PCDHA11: variants seen among roughly 807,000 people sequenced by gnomAD.
PCDHA11 encodes protocadherin alpha 11.
PCDHA11 carries 61 observed loss-of-function variants against 70.3 expected under a neutral mutation model. The observed-to-expected ratio is 0.87, with a 90% CI of 0.71 to 1.07. The LOEUF (loss-of-function observed/expected upper bound fraction) is 1.07, where lower values mean the gene tolerates loss of function less well. Among genes scored for constraint, PCDHA11 ranks in the 50% least tolerant of loss-of-function variants. The pLI is 0.00. For missense variants in PCDHA11, 1,324 were observed against 1,237.5 expected (o/e 1.07, Z -1.05); for synonymous variants, 633 against 555.1 (o/e 1.14, Z -1.97).
At chr5:140,875,815 C>T (rs782785462) in intron 1 of PCDHA11, 11 of 1,614,218 alleles carry the variant, frequency 6.8e-6, no homozygotes, top group Non-Finnish European at 9.3e-6. Flanking sequence ...CAGGCCGCTG[C>T]AGGTTTTCCA....
At chr5:140,966,737 G>A (rs1466161811) in intron 1 of PCDHA11, 4 of 1,420,882 alleles carry the variant, frequency 2.8e-6, no homozygotes, top group Non-Finnish European at 3.7e-6. Flanking sequence ...CTCCGGCCCT[G>A]CCCGGCTGCC....
intron 1 of PCDHA11, chr5:140,929,129 C>T (rs1206531954): frequency 6.2e-7 from 1 of 1,614,052 alleles, no homozygotes; most frequent in South Asian, 1.1e-5. Context: ...GATGTCACTA[C>T]AGTTGAGAGA....
At chr5:140,989,601 A>C (rs553140269) in intron 3 of PCDHA11, among the ~76,000 whole-genome samples, 14 of 152,318 alleles carry the variant, frequency 9.2e-5, no homozygotes, top group African/African-American at 3.4e-4. Flanking sequence ...ACACAAGTAA[A>C]CTAAAAATGA....
intron 1 of PCDHA11, chr5:140,968,608 T>C: frequency 6.2e-7 from 1 of 1,614,242 alleles, no homozygotes; most frequent in South Asian, 1.1e-5. Context: ...ACTCAGACTC[T>C]GGGCAAAATG....
chr5:140,960,665 G>A (rs1180311598), intron 1 of PCDHA11, among the ~76,000 whole-genome samples: 2 of 152,066 alleles, frequency 1.3e-5, no homozygotes, highest in Non-Finnish European at 2.9e-5. Context: ...TGAATGCTTT[G>A]GCTAAAACCT....
chr5:140,977,342 T>C (rs1554238451), intron 1 of PCDHA11, among the ~76,000 whole-genome samples: 3 of 152,222 alleles, frequency 2.0e-5, no homozygotes, highest in Non-Finnish European at 4.4e-5. Context: ...GAGACGGTGA[T>C]GATGACTGAT....
chr5:140,993,134 A>G (rs2097542279), intron 3 of PCDHA11, among the ~76,000 whole-genome samples: 1 of 152,238 alleles, frequency 6.6e-6, no homozygotes, highest in African/African-American at 2.4e-5. Flanking sequence ...CTTCTGTTGC[A>G]ACAAGTATAA....
intron 1 of PCDHA11, among the ~76,000 whole-genome samples, chr5:140,905,634 C>T (rs1554192107): frequency 6.6e-6 from 1 of 152,168 alleles, no homozygotes; most frequent in African/African-American, 2.4e-5. Context: ...ACAGTATGGT[C>T]AGTTTCACAG....
chr5:141,010,446 C>T lies in PCDHA11; in HGVS notation c.*509C>T. The T allele has an allele frequency of 1.1e-6, 1 of 944,708 alleles. No homozygotes were observed. The highest frequency in any genetic ancestry group is 1.5e-6 in the Non-Finnish European group (1 of 656,274). 58.5% of individuals were successfully genotyped at this position (944,708 alleles called of 1,614,324 possible). ...AGGCAAGAAAACAAAGACAAATAAACAGCGGAAGTTATCAGTATGGAGGGG... is the reference window on the plus strand; with the variant it reads ...AGGCAAGAAAACAAAGACAAATAAATAGCGGAAGTTATCAGTATGGAGGGG... On this transcript the variant is annotated 3_prime_UTR_variant, in exon 4 of 4. Coordinates refer to ENST00000398640, the MANE Select transcript of PCDHA11 (RefSeq NM_018902.5).
intron 1 of PCDHA11, among the ~76,000 whole-genome samples, chr5:140,908,899 C>CT (rs1382483322): frequency 6.6e-6 from 1 of 152,194 alleles, no homozygotes; most frequent in Non-Finnish European, 1.5e-5. Flanking sequence ...AAATAAGCCT[C>CT]TTTCGTGGTT....
chr5:140,879,838 A>G (rs73793511), intron 1 of PCDHA11, among the ~76,000 whole-genome samples: 3,913 of 152,230 alleles, frequency 0.026, 159 homozygotes, highest in African/African-American at 0.089. Flanking sequence ...TTGTGGCTGT[A>G]CCACTCCCAT....
At chr5:141,002,331 C>T (rs550513057) in intron 3 of PCDHA11, among the ~76,000 whole-genome samples, 1 of 152,372 alleles carries the variant, frequency 6.6e-6, no homozygotes, top group South Asian at 2.1e-4. Context: ...CGGGCTGCAT[C>T]CGCACCCCTT....
At chr5:140,943,624 G>C (rs2093534515) in intron 1 of PCDHA11, among the ~76,000 whole-genome samples, 2 of 152,106 alleles carry the variant, frequency 1.3e-5, no homozygotes, top group African/African-American at 4.8e-5. Context: ...ATCTGCATAA[G>C]GAAGCTGGAT....
chr5:141,003,608 C>T (rs951443168), intron 3 of PCDHA11, among the ~76,000 whole-genome samples: 3 of 152,136 alleles, frequency 2.0e-5, no homozygotes, highest in East Asian at 1.9e-4. Flanking sequence ...CCACCATTCC[C>T]GGCCCCAGAG....
intron 1 of PCDHA11, among the ~76,000 whole-genome samples, chr5:140,971,325 T>C (rs1273585971): frequency 3.9e-5 from 6 of 152,190 alleles, no homozygotes; most frequent in African/African-American, 1.4e-4. Context: ...AGGGAGAAAA[T>C]TATTTCAGAA....
rs181578390 is a variant in PCDHA11, at chr5:140,923,666, G to A, written c.2391+52172G>A. Among the ~76,000 whole-genome samples, 434 of 152,230 alleles carry A rather than the reference G, an allele frequency of 2.9e-3. 2 individuals are homozygous for A. Among genetic ancestry groups the A allele is most frequent in the Middle Eastern group, 0.014 (4 of 294 alleles). On this transcript the variant is annotated intron_variant, in intron 1 of 3. Coordinates refer to ENST00000398640, the MANE Select transcript of PCDHA11 (RefSeq NM_018902.5). ...TAGCCTCCCTTATCTTTGGGATATC[G>A]TTCTCTCTTAAATGTTGCTTTCTCA...
intron 1 of PCDHA11, chr5:140,929,124 C>T: frequency 6.2e-7 from 1 of 1,614,166 alleles, no homozygotes; most frequent in Non-Finnish European, 8.5e-7. Flanking sequence ...CCATAGATGT[C>T]ACTACAGTTG....
chr5:140,960,134 A>G (rs1480555997), intron 1 of PCDHA11, among the ~76,000 whole-genome samples: 10 of 152,232 alleles, frequency 6.6e-5, no homozygotes, highest in African/African-American at 2.2e-4. Context: ...TGAAATACTT[A>G]GATATTAATA....
intron 3 of PCDHA11, among the ~76,000 whole-genome samples, chr5:140,995,652 C>T (rs1018975214): frequency 2.0e-5 from 3 of 151,828 alleles, no homozygotes; most frequent in East Asian, 1.9e-4. Context: ...AAAGGAGAAT[C>T]GAAAAGGGAA....
Sources: gnomAD v4.1 joint callset for allele counts (sites outside exome capture counted in the v4.1 genomes callset) on GRCh38, gnomAD v4.1.1 for gene constraint, MANE v1.5 for transcripts, NCBI Gene and HGNC (gene_info 2026-07-23, HGNC 2026-07-21) for gene names.